Variants in PDZD2 observed in about 807,000 individuals in gnomAD.
The protein encoded by PDZD2 is PDZ domain-containing protein 2.
In PDZD2, 90 loss-of-function variants were observed where a neutral mutation model predicts 220.7. That is an observed-to-expected ratio of 0.41 (90% CI 0.34 to 0.49). The LOEUF (loss-of-function observed/expected upper bound fraction) is 0.49, where lower values mean the gene tolerates loss of function less well. Ranked by LOEUF, PDZD2 falls within the 20% of genes least tolerant of loss-of-function variation. The probability of loss-of-function intolerance (pLI) is 0.28; values close to 1 mark genes in which losing one functional copy is unlikely to be tolerated. For synonymous variants in PDZD2, 1,375 were observed against 1,450.5 expected (o/e 0.95, Z 1.18); for missense variants, 3,174 against 3,608.5 (o/e 0.88, Z 3.08).
intron 21 of PDZD2, among the ~76,000 whole-genome samples, chr5:32,096,233 A>G (rs923766285): frequency 6.6e-6 from 1 of 152,136 alleles, no homozygotes; most frequent in Admixed American, 6.5e-5. Context: ...GTGTGTGAGC[A>G]TACATATGGT....
chr5:31,757,053 G>A (rs1386722921), intron 1 of PDZD2, among the ~76,000 whole-genome samples: 2 of 152,214 alleles, frequency 1.3e-5, no homozygotes, highest in African/African-American at 2.4e-5. Context: ...GGAGGATGCA[G>A]TGGGAGGATC....
At chr5:31,886,156 C>G (rs1426618675) in intron 2 of PDZD2, among the ~76,000 whole-genome samples, 2 of 152,154 alleles carry the variant, frequency 1.3e-5, no homozygotes, top group Non-Finnish European at 2.9e-5. Context: ...GTCTTGGCCT[C>G]CCAAAGTGCT....
chr5:31,859,785 T>TA (rs1737511582), intron 2 of PDZD2, among the ~76,000 whole-genome samples: 1 of 152,184 alleles, frequency 6.6e-6, no homozygotes, highest in African/African-American at 2.4e-5. Context: ...AGTTCCTTCT[T>TA]ACTAAGAAGG....
intron 13 of PDZD2, 145 bp from the exon 14 acceptor site, chr5:32,060,857 C>T: frequency 1.5e-6 from 1 of 668,696 alleles, no homozygotes; most frequent in East Asian, 2.8e-5. Context: ...TGCATTTTTA[C>T]ATGTATGCCA....
intron 4 of PDZD2, among the ~76,000 whole-genome samples, chr5:31,999,213 T>C (rs1417633164): frequency 1.3e-5 from 2 of 151,544 alleles, no homozygotes; most frequent in Non-Finnish European, 2.9e-5. Flanking sequence ...GACAGCAGTT[T>C]AGGCAGTTTA....
At chr5:32,057,768 T>G (rs1561468903) in intron 11 of PDZD2, 40 bp downstream of exon 11, 1 of 1,456,396 alleles carries the variant, frequency 6.9e-7, no homozygotes, top group Admixed American at 1.8e-5. Flanking sequence ...CCTATTTTCC[T>G]TTCTTTATTT....
intron 4 of PDZD2, among the ~76,000 whole-genome samples, chr5:31,996,803 C>T (rs986874364): frequency 6.6e-6 from 1 of 152,150 alleles, no homozygotes; most frequent in Non-Finnish European, 1.5e-5. Flanking sequence ...ATCACTTGAG[C>T]CCGGGAGATC....
At chr5:31,651,980 C>T (rs10062783) in intron 1 of PDZD2, among the ~76,000 whole-genome samples, 4,291 of 140,112 alleles carry the variant, frequency 0.031, 81 homozygotes, top group African/African-American at 0.05. Flanking sequence ...CCACCATGCC[C>T]GGCTAATTTT....
intron 2 of PDZD2, among the ~76,000 whole-genome samples, chr5:31,951,404 C>G (rs189895933): frequency 3.9e-5 from 6 of 152,240 alleles, no homozygotes; most frequent in South Asian, 2.1e-4. Context: ...CTCTCATTCA[C>G]GAGGTTCTCT....
intron 2 of PDZD2, among the ~76,000 whole-genome samples, chr5:31,932,237 C>T (rs55743651): frequency 0.094 from 14,276 of 152,152 alleles, 736 homozygotes; most frequent in African/African-American, 0.12. Flanking sequence ...AGCCATAGAA[C>T]TGGCCAATGA....
At chr5:31,692,042 A>C (rs1260793663) in intron 1 of PDZD2, among the ~76,000 whole-genome samples, 1 of 152,166 alleles carries the variant, frequency 6.6e-6, no homozygotes, top group Non-Finnish European at 1.5e-5. Flanking sequence ...GGTCGATGGG[A>C]CTGGGCGCAG....
intron 1 of PDZD2, among the ~76,000 whole-genome samples, chr5:31,750,834 G>T (rs1349283008): frequency 6.6e-6 from 1 of 152,188 alleles, no homozygotes; most frequent in Non-Finnish European, 1.5e-5. Context: ...AGTGAGTAGG[G>T]TGGGTTGTGG....
At chr5:31,865,722 C>T (rs1278207919) in intron 2 of PDZD2, among the ~76,000 whole-genome samples, 5 of 147,474 alleles carry the variant, frequency 3.4e-5, no homozygotes, top group Non-Finnish European at 7.4e-5. Context: ...CAAGCTCCGC[C>T]TCCCGGGTGC....
rs537181679 is a variant in PDZD2, at chr5:31,818,907, A to G, written c.476+19183A>G. On this transcript the variant is annotated intron_variant, in intron 2 of 24. Coordinates refer to ENST00000438447, the MANE Select transcript of PDZD2 (RefSeq NM_178140.4). Reference sequence around the variant, plus strand: ...CAGATATAATTTTTTGTTTCCTTCTAATCTATGTTCATTTGCAATATATAT... The same window carrying G: ...CAGATATAATTTTTTGTTTCCTTCTGATCTATGTTCATTTGCAATATATAT... 1.3e-4 allele frequency among the ~76,000 whole-genome samples: 20 copies of G among 152,208 alleles called. No individual in the cohort carries two copies. In the East Asian group the frequency reaches 3.7e-3, roughly 28 times the overall value.
At chr5:31,764,384 C>A (rs1751859315) in intron 1 of PDZD2, among the ~76,000 whole-genome samples, 1 of 152,084 alleles carries the variant, frequency 6.6e-6, no homozygotes, top group Admixed American at 6.6e-5. Context: ...GAAAATAAAC[C>A]CTTAGAGGAT....
intron 1 of PDZD2, among the ~76,000 whole-genome samples, chr5:31,685,925 G>A (rs1746837952): frequency 6.6e-6 from 1 of 152,152 alleles, no homozygotes; most frequent in Non-Finnish European, 1.5e-5. Context: ...ATAAGGTCAG[G>A]TGCAGTGGCT....
intron 1 of PDZD2, among the ~76,000 whole-genome samples, chr5:31,676,568 C>CTT (rs778418372): frequency 0.041 from 5,637 of 136,322 alleles, 295 homozygotes; most frequent in African/African-American, 0.11. Context: ...TTTGCTTTCT[C>CTT]TTTTTTTTTT....
At chr5:31,959,088 A>G (rs1409424147) in intron 2 of PDZD2, among the ~76,000 whole-genome samples, 1 of 151,604 alleles carries the variant, frequency 6.6e-6, no homozygotes, top group Non-Finnish European at 1.5e-5. Context: ...GTGTGCCACC[A>G]TGCCCGGCTA....
intron 2 of PDZD2, among the ~76,000 whole-genome samples, chr5:31,948,918 G>GTGAA (rs1282163751): frequency 2.6e-5 from 4 of 151,982 alleles, no homozygotes; most frequent in Non-Finnish European, 5.9e-5. Context: ...GGCCAACATG[G>GTGAA]TGAAACCCTA....
Sources: allele counts gnomAD v4.1 joint callset (sites outside exome capture counted in the v4.1 genomes callset), GRCh38; gene constraint gnomAD v4.1.1; transcripts MANE v1.5; gene names NCBI Gene and HGNC (gene_info 2026-07-23, HGNC 2026-07-21).